The following RIMBP2 variants were observed in gnomAD, a reference collection of about 807,000 sequenced individuals.
RIMBP2 encodes RIMS binding protein 2, also known as RIMS-binding protein 2.
In RIMBP2, 48 loss-of-function variants were observed where a neutral mutation model predicts 118.6. That is an observed-to-expected ratio of 0.40 (90% CI 0.32 to 0.51). The LOEUF is 0.51. RIMBP2 is among the 20% of genes least tolerant of loss of function. The pLI, the probability that RIMBP2 is intolerant of heterozygous loss-of-function variation, is 0.41. For missense variants in RIMBP2, 1,551 were observed against 1,768.3 expected (o/e 0.88, Z 2.20); for synonymous variants, 762 against 742.9 (o/e 1.03, Z -0.42).
Position 130,438,503 on chromosome 12 carries a change from G to A in RIMBP2, c.1518C>T (p.Pro506=), listed in dbSNP as rs750044547. 10 of 1,604,072 alleles carry A rather than the reference G, an allele frequency of 6.2e-6. No individual in the cohort carries two copies. Among genetic ancestry groups the A allele is most frequent in the South Asian group, 5.6e-5 (5 of 89,562 alleles). Reference sequence around the variant, plus strand: ...CAGCCTGGACGGTAACATCTTGTGGGGGTGCTGGGGGTCCTGGGAGGGGAC... The same window carrying A: ...CAGCCTGGACGGTAACATCTTGTGGAGGTGCTGGGGGTCCTGGGAGGGGAC... ...FSTLPAGPPA[P]PQDVTVQAGV... Residue 506 remains proline, a synonymous_variant, in exon 12 of 23, where the codon CCC becomes CCT. Transcript: ENST00000690449.
At chr12:130,441,208 C>T (rs2078093973) in intron 11 of RIMBP2, among the ~76,000 whole-genome samples, 1 of 152,078 alleles carries the variant, frequency 6.6e-6, no homozygotes, top group Admixed American at 6.6e-5. Context: ...TGAGACGAGC[C>T]TGACCAACAT....
At chr12:130,400,516 C>A (rs2074428340) in intron 21 of RIMBP2, among the ~76,000 whole-genome samples, 1 of 152,124 alleles carries the variant, frequency 6.6e-6, no homozygotes, top group African/African-American at 2.4e-5. Context: ...ACAGGCCTAC[C>A]ACGTCACTTC....
intron 22 of RIMBP2, chr12:130,397,818 T>A: frequency 3.6e-6 from 1 of 274,178 alleles, no homozygotes. Flanking sequence ...CAGGTAATAA[T>A]TCACTTCATA....
chr12:130,603,450 A>C (rs1747531170), intron 2 of RIMBP2, among the ~76,000 whole-genome samples: 1 of 152,244 alleles, frequency 6.6e-6, no homozygotes, highest in Non-Finnish European at 1.5e-5. Context: ...TGGATAAGGA[A>C]AATTTGTCAG....
intron 6 of RIMBP2, among the ~76,000 whole-genome samples, chr12:130,457,989 C>A (rs571609647): frequency 6.6e-6 from 1 of 152,248 alleles, no homozygotes; most frequent in South Asian, 2.1e-4. Context: ...GAAATGTCAG[C>A]CCCATGAGGG....
intron 2 of RIMBP2, among the ~76,000 whole-genome samples, chr12:130,545,983 T>A (rs2055105803): frequency 6.6e-6 from 1 of 151,742 alleles, no homozygotes; most frequent in Non-Finnish European, 1.5e-5. Flanking sequence ...ACAGCTTGGG[T>A]AAAGAAATGA....
intron 21 of RIMBP2, among the ~76,000 whole-genome samples, chr12:130,401,158 C>T (rs1425780155): frequency 2.6e-5 from 4 of 152,024 alleles, no homozygotes; most frequent in African/African-American, 9.7e-5. Flanking sequence ...CTCTGTCACC[C>T]AGGCTGAAGT....
At chr12:130,593,654 T>C (rs767621426) in intron 2 of RIMBP2, among the ~76,000 whole-genome samples, 2 of 152,318 alleles carry the variant, frequency 1.3e-5, no homozygotes, top group Non-Finnish European at 2.9e-5. Flanking sequence ...TCTGATTTTA[T>C]GGGAAATCCT....
intron 1 of RIMBP2, among the ~76,000 whole-genome samples, chr12:130,661,515 C>G (rs947698544): frequency 6.6e-6 from 1 of 152,196 alleles, no homozygotes; most frequent in South Asian, 2.1e-4. Flanking sequence ...GGTCATATGA[C>G]CCCTTTGCAC....
intron 4 of RIMBP2, among the ~76,000 whole-genome samples, chr12:130,481,282 A>ATTTGCT (rs2081992996): frequency 6.6e-6 from 1 of 152,142 alleles, no homozygotes; most frequent in African/African-American, 2.4e-5. Flanking sequence ...TGCCTCTGAA[A>ATTTGCT]GCTCCTTTCT....
intron 6 of RIMBP2, among the ~76,000 whole-genome samples, chr12:130,458,207 T>C (rs991556865): frequency 1.3e-5 from 2 of 152,048 alleles, no homozygotes; most frequent in Non-Finnish European, 2.9e-5. Flanking sequence ...AAAATAAACC[T>C]AACAAATCCA....
intron 1 of RIMBP2, among the ~76,000 whole-genome samples, chr12:130,699,461 A>G (rs1484203589): frequency 6.6e-6 from 1 of 151,864 alleles, no homozygotes; most frequent in Non-Finnish European, 1.5e-5. Context: ...CATCATTCTC[A>G]GCAAACTATT....
rs914016806 is a variant in RIMBP2 at position 130,632,564 on chromosome 12, T to G, written c.-351-4108A>C. On this transcript the variant is annotated intron_variant, in intron 1 of 22. Coordinates refer to ENST00000690449, the MANE Select transcript of RIMBP2 (RefSeq NM_001393629.1). ...GGATGTGCTTTTTCAACCACCCTGT[T>G]CTCTTTGCTCTGGGGCCCCTCCTGT... Among the ~76,000 whole-genome samples, 13 of 152,142 alleles carry G rather than the reference T, an allele frequency of 8.5e-5. 1 individual carries two copies. Among genetic ancestry groups the G allele is most frequent in the African/African-American group, 3.1e-4 (13 of 41,414 alleles).
At chr12:130,476,130 G>A (rs1309519042) in intron 5 of RIMBP2, among the ~76,000 whole-genome samples, 1 of 152,138 alleles carries the variant, frequency 6.6e-6, no homozygotes, top group Non-Finnish European at 1.5e-5. Flanking sequence ...GAAACCAGGA[G>A]AGGGTGGTAT....
At position 130,442,484 on chromosome 12, in the gene RIMBP2, T is replaced by C. The variant is rs1368216854; in HGVS notation, c.868A>G (p.Ile290Val). ...CTGTTGTCGGTGATGCCCGCATCTATGTGGGTTGGGGAGTGGAGGTCCAGG... is the reference window on the plus strand; with the variant it reads ...CTGTTGTCGGTGATGCCCGCATCTACGTGGGTTGGGGAGTGGAGGTCCAGG... ...HILDLHSPTH[I>V]DAGITDNSAG... Residue 290 changes from isoleucine (I) to valine (V), a missense_variant, in exon 11 of 23, where the codon ATA becomes GTA. Ile to Val is a conservative substitution (Grantham distance 29). Around this residue, in one of 5 missense-constraint regions of RIMBP2, gnomAD observed 265 missense variants for 349.5 expected, o/e 0.76. Transcript: ENST00000690449. The surrounding 1 kb of genome is among the most constrained non-coding windows in gnomAD (Gnocchi z 6.9). 6.2e-7 allele frequency: 1 copy of C among 1,614,106 alleles called. No homozygotes were observed. The highest frequency in any genetic ancestry group is 1.3e-5 in the African/African-American group (1 of 74,940).
intron 5 of RIMBP2, among the ~76,000 whole-genome samples, chr12:130,476,145 G>A (rs577917523): frequency 6.6e-6 from 1 of 152,268 alleles, no homozygotes; most frequent in Admixed American, 6.5e-5. Flanking sequence ...TGGTATCCTT[G>A]GAGGCCATAA....
intron 2 of RIMBP2, among the ~76,000 whole-genome samples, chr12:130,547,951 T>C (rs993823383): frequency 1.3e-5 from 2 of 152,212 alleles, no homozygotes; most frequent in Non-Finnish European, 2.9e-5. Context: ...TGTCTTGTAA[T>C]TCTGCTGTTG....
intron 4 of RIMBP2, among the ~76,000 whole-genome samples, chr12:130,484,029 C>T (rs1223300676): frequency 6.6e-6 from 1 of 152,180 alleles, no homozygotes; most frequent in Non-Finnish European, 1.5e-5. Context: ...CACTGGCTTG[C>T]TGGCATGGAC....
rs902878986 is a variant in RIMBP2 at position 130,620,161 on chromosome 12, G to A, written c.-217+8161C>T. ...GAAGTGGTCTGCTGAGGGCAGTCAT[G>A]GTGCCTCACCCTCTCCAGCCAAGGG... On this transcript the variant is annotated intron_variant, in intron 2 of 22. Transcript: ENST00000690449. The surrounding 1 kb of genome is among the most constrained non-coding windows in gnomAD (Gnocchi z 5.3). Among the ~76,000 whole-genome samples the A allele has an allele frequency of 3.3e-5, 5 of 152,138 alleles. No individual in the cohort carries two copies. The East Asian group carries it at 5.8e-4, about 18-fold the overall frequency.
Sources: gnomAD v4.1 joint callset for allele counts (sites outside exome capture counted in the v4.1 genomes callset) on GRCh38, gnomAD v4.1.1 for gene constraint, gnomAD v4.1.1 regional missense constraint, Gnocchi (gnomAD v3.1) non-coding constraint, MANE v1.5 for transcripts, NCBI Gene and HGNC (gene_info 2026-07-23, HGNC 2026-07-21) for gene names.